Variants in MYH10 observed in about 807,000 individuals in gnomAD.
MYH10 encodes myosin-10.
In MYH10, 55 loss-of-function variants were observed where a neutral mutation model predicts 257.8. The observed-to-expected ratio is 0.21, with a 90% CI of 0.17 to 0.27. MYH10 has a LOEUF of 0.27. MYH10 is among the 10% of genes least tolerant of loss of function. The pLI, the probability that MYH10 is intolerant of heterozygous loss-of-function variation, is 1.00. For missense variants in MYH10, 1,631 were observed against 2,500.6 expected, an observed-to-expected ratio of 0.65 and a Z score of 7.42; for synonymous variants, 854 against 921.7, an observed-to-expected ratio of 0.93 and a Z score of 1.33.
intron 7 of MYH10, among the ~76,000 whole-genome samples, chr17:8,568,101 T>C (rs1194029551): frequency 6.6e-6 from 1 of 152,130 alleles, no homozygotes; most frequent in Non-Finnish European, 1.5e-5. Flanking sequence ...TAGTCCACCA[T>C]CATCTTCGTT....
At position 8,615,793 on chromosome 17, in the gene MYH10, G is replaced by GA. The variant is rs2085238397; in HGVS notation, c.345+7108dup. On this transcript the variant is annotated intron_variant, in intron 2 of 42. Transcript: ENST00000360416. ...AAAAATCACCCATTCAGGAATACGAGAAAATCTCCCTTAATCTGATAAAGA... is the reference window on the plus strand; with the variant it reads ...AAAAATCACCCATTCAGGAATACGAGAAAAATCTCCCTTAATCTGATAAAGA... 3.9e-5 allele frequency among the ~76,000 whole-genome samples: 6 copies of GA among 152,124 alleles called. No individual in the cohort carries two copies. In the South Asian group the frequency reaches 1.0e-3, roughly 26 times the overall value.
intron 7 of MYH10, chr17:8,561,149 A>C (rs2082979398): frequency 9.6e-6 from 6 of 628,046 alleles, no homozygotes; most frequent in Non-Finnish European, 2.8e-6. Flanking sequence ...TAAAATAAAA[A>C]CTCAGTAACA....
In MYH10 at chr17:8,548,736, T is replaced by C; in HGVS notation, c.971A>G (p.Tyr324Cys). ...FNNYRFLSNGYIPIPGQQDKD... is the reference protein window; with the variant it reads ...FNNYRFLSNGCIPIPGQQDKD... ...GTCTTGCTGTCCCGGAATAGGAATA[T>C]AGCCATTGGAGAGAAACCTGTAGTT... Residue 324 changes from tyrosine (Y) to cysteine (C), a missense_variant, in exon 10 of 43, where the codon TAT becomes TGT. Coordinates refer to ENST00000360416, the MANE Select transcript of MYH10 (RefSeq NM_001256012.3). The C allele has an allele frequency of 2.5e-6, 4 of 1,613,634 alleles. No individual in the cohort carries two copies. The highest frequency in any genetic ancestry group is 1.1e-5 in the South Asian group (1 of 91,076).
chr17:8,603,921 A>G (rs890111105), intron 3 of MYH10, among the ~76,000 whole-genome samples: 1 of 152,190 alleles, frequency 6.6e-6, no homozygotes, highest in Admixed American at 6.5e-5. Context: ...GATCTGGTAT[A>G]TAATAAGTAT....
intron 3 of MYH10, among the ~76,000 whole-genome samples, chr17:8,589,312 T>C (rs2084032325): frequency 1.3e-5 from 2 of 152,144 alleles, no homozygotes; most frequent in South Asian, 4.2e-4. Context: ...CCAGAGTCTC[T>C]GGGGGTAAAT....
chr17:8,613,331 A>C (rs1001164217), intron 2 of MYH10, among the ~76,000 whole-genome samples: 2 of 152,218 alleles, frequency 1.3e-5, no homozygotes, highest in African/African-American at 4.8e-5. Flanking sequence ...GTGGAAAAAA[A>C]AGAGTAATGG....
Position 8,492,486 on chromosome 17 carries a change from G to A in MYH10, c.4482C>T (p.Ile1494=), listed in dbSNP as rs922024623. The change falls in exon 34 of 43, where the codon ATC becomes ATT. Residue 1494 remains isoleucine (I), a synonymous_variant. Coordinates refer to ENST00000360416, the MANE Select transcript of MYH10 (RefSeq NM_001256012.3). ...FDQLLAEEKS[I]SARYAEERDR... ...CCCGCTCTTCGGCATAGCGAGCAGA[G>A]ATGCTCTTCTCTTCTGCTAACAGCT... 1.4e-5 allele frequency: 22 copies of A among 1,611,886 alleles called. No individual in the cohort carries two copies. Among genetic ancestry groups the A allele is most frequent in the Non-Finnish European group, 1.9e-5 (22 of 1,179,888 alleles).
intron 17 of MYH10, among the ~76,000 whole-genome samples, chr17:8,523,027 C>T (rs1458119742): frequency 6.6e-6 from 1 of 152,194 alleles, no homozygotes; most frequent in Non-Finnish European, 1.5e-5. Flanking sequence ...ATGGCACTCG[C>T]CTGGGATCCC....
chr17:8,476,148 A>G lies in MYH10; in HGVS notation c.5880-200T>C, dbSNP rs113122854. On this transcript the variant is annotated intron_variant, in intron 42 of 42. Transcript: ENST00000360416. ...ACAACCCTGCCTGCAGAGTACGCGA[A>G]GCAGGGTCCTTGGAGAACTGGGGAG... Among the ~76,000 whole-genome samples, 387 of 152,340 alleles carry G rather than the reference A, an allele frequency of 2.5e-3. 3 individuals carry two copies. The highest frequency in any genetic ancestry group is 8.9e-3 in the African/African-American group (369 of 41,588).
intron 2 of MYH10, among the ~76,000 whole-genome samples, chr17:8,610,433 AAAAAAAT>A (rs1238269849): frequency 6.6e-6 from 1 of 151,484 alleles, no homozygotes; most frequent in African/African-American, 2.4e-5. Context: ...CCAGAAGCAA[AAAAAAAT>A]AAAAAATAAA....
intron 36 of MYH10, among the ~76,000 whole-genome samples, chr17:8,486,009 T>G (rs1313722368): frequency 6.6e-6 from 1 of 152,232 alleles, no homozygotes; most frequent in Non-Finnish European, 1.5e-5. Flanking sequence ...AGGAGTGCGG[T>G]ACTTGTTCAT....
intron 4 of MYH10, among the ~76,000 whole-genome samples, chr17:8,583,000 A>T (rs2083766774): frequency 6.6e-6 from 1 of 152,190 alleles, no homozygotes; most frequent in African/African-American, 2.4e-5. Context: ...GCAAACATAT[A>T]ACATTAGTAG....
chr17:8,563,604 G>A (rs1390453316), intron 7 of MYH10, among the ~76,000 whole-genome samples: 1 of 152,184 alleles, frequency 6.6e-6, no homozygotes, highest in East Asian at 1.9e-4. Context: ...ACCATATTCT[G>A]TCACTGATAC....
At chr17:8,570,904 A>G (rs2083310325) in intron 6 of MYH10, among the ~76,000 whole-genome samples, 1 of 152,152 alleles carries the variant, frequency 6.6e-6, no homozygotes, top group Non-Finnish European at 1.5e-5. Flanking sequence ...AGTGTTCCTC[A>G]GGCACATTAC....
rs368953804 is a variant in MYH10, at chr17:8,513,418, A to G, written c.2745+120T>C. ...TTGGAAATGAGTGAAAAGGCCTCCC[A>G]TAAAATAAGATGATATGGTGGGTAC... On this transcript the variant is annotated intron_variant, in intron 23 of 42. Transcript: ENST00000360416. The G allele has an allele frequency of 2.1e-6, 3 of 1,434,766 alleles. No individual in the cohort carries two copies. The African/African-American group carries it at 4.3e-5, about 20-fold the overall frequency. 88.9% of individuals were successfully genotyped at this position (1,434,766 alleles called of 1,614,324 possible). A position where few individuals can be genotyped will look rare whatever the true frequency, so the allele number is the denominator to read the frequency against.
intron 21 of MYH10, among the ~76,000 whole-genome samples, chr17:8,517,102 C>G (rs1406821642): frequency 6.6e-6 from 1 of 152,160 alleles, no homozygotes. Context: ...GGTCGCGCCA[C>G]TGCACTCCAG....
intron 2 of MYH10, among the ~76,000 whole-genome samples, chr17:8,621,807 C>A (rs1293409856): frequency 1.3e-5 from 2 of 152,164 alleles, no homozygotes; most frequent in Admixed American, 6.5e-5. Context: ...AGTCAGACTC[C>A]AGCTCAAATG....
At chr17:8,537,811 T>C (rs947323926) in intron 14 of MYH10, among the ~76,000 whole-genome samples, 2 of 152,246 alleles carry the variant, frequency 1.3e-5, no homozygotes, top group African/African-American at 4.8e-5. Context: ...TTTCATTTTT[T>C]CCACTTCATC....
chr17:8,508,790 T>C, intron 25 of MYH10, 113 bp from the exon 26 acceptor site: 1 of 1,256,580 alleles, frequency 8.0e-7, no homozygotes, highest in Non-Finnish European at 1.1e-6. Flanking sequence ...CTATCGGCAC[T>C]GCCTCCCCCA....
Sources: gnomAD v4.1 joint callset for allele counts (sites outside exome capture counted in the v4.1 genomes callset) on GRCh38, gnomAD v4.1.1 for gene constraint, MANE v1.5 for transcripts, NCBI Gene and HGNC (gene_info 2026-07-23, HGNC 2026-07-21) for gene names.